Variants in PRUNE2 observed in about 807,000 individuals in gnomAD.
The protein encoded by PRUNE2 is prune homolog 2 with BCH domain.
Under a neutral mutation model 252.0 loss-of-function variants are expected in PRUNE2, and 164 were observed. The ratio of observed to expected loss-of-function variants is 0.65; its 90% CI spans 0.57 to 0.74. PRUNE2 has a LOEUF of 0.74. PRUNE2 is among the 30% of genes least tolerant of loss of function. The pLI, the probability that PRUNE2 is intolerant of heterozygous loss-of-function variation, is 0.00. For synonymous variants in PRUNE2, 1,292 were observed against 1,350.2 expected (o/e 0.96, Z 0.94); for missense variants, 3,495 against 3,711.0 (o/e 0.94, Z 1.51).
intron 12 of PRUNE2, chr9:76,641,997 G>C: frequency 7.3e-6 from 7 of 955,808 alleles, no homozygotes; most frequent in Non-Finnish European, 9.8e-6. Context: ...TGAAATAAGA[G>C]AAGTAAAAAA....
intron 4 of PRUNE2, 115 bp from the exon 5 acceptor site, chr9:76,826,847 C>G: frequency 1.2e-6 from 1 of 853,182 alleles, no homozygotes; most frequent in Non-Finnish European, 1.8e-6. Flanking sequence ...TGTCTCTCAC[C>G]TGGACCAGAG....
chr9:76,672,120 G>C (rs1190733278), intron 9 of PRUNE2, among the ~76,000 whole-genome samples: 5 of 151,860 alleles, frequency 3.3e-5, no homozygotes, highest in Non-Finnish European at 7.4e-5. Context: ...ATTGGATAAA[G>C]AGTCAAGACC....
chr9:76,726,217 G>A (rs2048089711), intron 6 of PRUNE2, among the ~76,000 whole-genome samples: 1 of 152,176 alleles, frequency 6.6e-6, no homozygotes, highest in South Asian at 2.1e-4. Flanking sequence ...TGGGTTCGGT[G>A]CCTATCTCTG....
intron 3 of PRUNE2, among the ~76,000 whole-genome samples, 158 bp from the exon 4 acceptor site, chr9:76,846,836 G>A (rs980238111): frequency 3.3e-5 from 5 of 152,096 alleles, no homozygotes; most frequent in African/African-American, 9.7e-5. Context: ...CTTATTCTAC[G>A]TATTTTCACA....
intron 4 of PRUNE2, among the ~76,000 whole-genome samples, chr9:76,833,414 A>G (rs2058770868): frequency 1.3e-5 from 2 of 152,218 alleles, no homozygotes; most frequent in Admixed American, 1.3e-4. Flanking sequence ...CATTATGTGA[A>G]ATCTTAGTCA....
intron 6 of PRUNE2, among the ~76,000 whole-genome samples, chr9:76,803,363 T>G (rs2131596994): frequency 6.6e-6 from 1 of 152,284 alleles, no homozygotes; most frequent in East Asian, 1.9e-4. Flanking sequence ...CAGTAACCTA[T>G]TTTTCTCTAT....
intron 11 of PRUNE2, among the ~76,000 whole-genome samples, chr9:76,648,421 G>A (rs114243505): frequency 0.03 from 4,509 of 152,264 alleles, 240 homozygotes; most frequent in African/African-American, 0.1. Context: ...CAGCCAAGAC[G>A]TCCTTCAGTA....
intron 12 of PRUNE2, among the ~76,000 whole-genome samples, chr9:76,641,153 G>A (rs1842411245): frequency 6.6e-6 from 1 of 152,194 alleles, no homozygotes; most frequent in South Asian, 2.1e-4. Context: ...ACTACTTCAT[G>A]ATCGCTGTCT....
chr9:76,739,983 G>A (rs892635675), intron 6 of PRUNE2: 2 of 152,096 alleles, frequency 1.3e-5, no homozygotes, highest in African/African-American at 4.8e-5. Context: ...TACTCGGGAG[G>A]GTGAGGCAGG....
At chr9:76,777,736 A>G (rs1301112392) in intron 6 of PRUNE2, among the ~76,000 whole-genome samples, 1 of 152,208 alleles carries the variant, frequency 6.6e-6, no homozygotes, top group Non-Finnish European at 1.5e-5. Flanking sequence ...ATCAAACAGG[A>G]TAAGGTGGAT....
intron 11 of PRUNE2, among the ~76,000 whole-genome samples, chr9:76,648,427 C>T (rs1431887505): frequency 6.6e-6 from 1 of 152,152 alleles, no homozygotes; most frequent in African/African-American, 2.4e-5. Context: ...AGACGTCCTT[C>T]AGTAGGTGAA....
chr9:76,713,118 G>C (rs1478044166), intron 7 of PRUNE2, among the ~76,000 whole-genome samples: 1 of 151,482 alleles, frequency 6.6e-6, no homozygotes, highest in Non-Finnish European at 1.5e-5. Context: ...AAAAGACTCA[G>C]CTATCAACCT....
chr9:76,688,740 C>T (rs1246854655), intron 9 of PRUNE2, among the ~76,000 whole-genome samples: 1 of 152,206 alleles, frequency 6.6e-6, no homozygotes. Flanking sequence ...CATCAGCTTT[C>T]CATTGCTGAC....
intron 17 of PRUNE2, among the ~76,000 whole-genome samples, chr9:76,621,697 T>C (rs2132035338): frequency 6.6e-6 from 1 of 152,188 alleles, no homozygotes; most frequent in South Asian, 2.1e-4. Context: ...TTTTTTTTCT[T>C]GAGACAGGGT....
At chr9:76,814,109 C>T (rs866987203) in intron 6 of PRUNE2, among the ~76,000 whole-genome samples, 1 of 152,176 alleles carries the variant, frequency 6.6e-6, no homozygotes, top group Admixed American at 6.5e-5. Context: ...CCACTGCTCC[C>T]GGCCATGTAT....
intron 9 of PRUNE2, among the ~76,000 whole-genome samples, chr9:76,655,867 T>C (rs1308205592): frequency 6.6e-6 from 1 of 152,204 alleles, no homozygotes; most frequent in Non-Finnish European, 1.5e-5. Flanking sequence ...TGTACACATC[T>C]CTTACTCTGT....
chr9:76,706,573 T>C lies in PRUNE2; in HGVS notation c.5701A>G (p.Lys1901Glu), dbSNP rs1304057900. 7 of 1,613,848 alleles carry C rather than the reference T, an allele frequency of 4.3e-6. No homozygotes were observed. Among genetic ancestry groups the C allele is most frequent in the African/African-American group, 1.3e-5 (1 of 74,930 alleles). Residue 1901 changes from lysine to glutamate, a missense_variant, in exon 8 of 19, where the codon AAG becomes GAG. Coordinates refer to ENST00000376718, the MANE Select transcript of PRUNE2 (RefSeq NM_015225.3). ...TTCCAGAGTTGCTCATGGGAGTTCT[T>C]CCCATTACCTTCCAGAAAGGGTGAC... ...HQSPFLEGNGKNSHEQLWNIQ... is the reference protein window; with the variant it reads ...HQSPFLEGNGENSHEQLWNIQ...
intron 5 of PRUNE2, among the ~76,000 whole-genome samples, chr9:76,825,246 A>C (rs1180605704): frequency 6.6e-6 from 1 of 152,164 alleles, no homozygotes; most frequent in African/African-American, 2.4e-5. Flanking sequence ...CAGGGATCTA[A>C]ATACTCCTAC....
chr9:76,715,241 G>A (rs2047049345), intron 6 of PRUNE2, among the ~76,000 whole-genome samples: 2 of 152,146 alleles, frequency 1.3e-5, no homozygotes, highest in Non-Finnish European at 2.9e-5. Context: ...CGTGGATTGG[G>A]TATTTGTGGC....
Sources: allele counts gnomAD v4.1 joint callset (sites outside exome capture counted in the v4.1 genomes callset), GRCh38; gene constraint gnomAD v4.1.1; transcripts MANE v1.5; gene names NCBI Gene and HGNC (gene_info 2026-07-23, HGNC 2026-07-21).